Variants in CCDC171 observed in about 807,000 individuals in gnomAD.
CCDC171 encodes coiled-coil domain-containing protein 171.
Under a neutral mutation model 168.2 loss-of-function variants are expected in CCDC171, and 177 were observed. The ratio of observed to expected loss-of-function variants is 1.05; its 90% confidence interval spans 0.93 to 1.19. The LOEUF (loss-of-function observed/expected upper bound fraction) is 1.19, where lower values mean the gene tolerates loss of function less well. CCDC171 is among the 50% of genes most tolerant of loss of function. CCDC171 has a pLI of 0.00. For synonymous variants in CCDC171, 687 were observed against 540.8 expected, an observed-to-expected ratio of 1.27 and a Z score of -3.75; for missense variants, 1,991 against 1,539.0, an observed-to-expected ratio of 1.29 and a Z score of -4.91.
rs144145303 is a variant in CCDC171 at position 15,696,071 on chromosome 9, C to T, written c.1318+734C>T. On this transcript the variant is annotated intron_variant, in intron 11 of 25. Transcript: ENST00000380701. ...CAGTTTTCTTTTGCCCTGCTTTCAG[C>T]CCTGAATTATTTGGTGGTCTTCTAA... Among the ~76,000 whole-genome samples, 388 of 152,266 alleles carry T rather than the reference C, an allele frequency of 2.5e-3. 1 individual carries two copies. The highest frequency in any genetic ancestry group is 8.2e-3 in the African/African-American group (340 of 41,556).
chr9:15,961,591 G>C (rs1022327558), intron 25 of CCDC171, among the ~76,000 whole-genome samples: 1 of 152,056 alleles, frequency 6.6e-6, no homozygotes, highest in East Asian at 1.9e-4. Context: ...AGTGTTCTTT[G>C]CTTGATCAAA....
intron 21 of CCDC171, among the ~76,000 whole-genome samples, chr9:15,791,112 A>T (rs1295280986): frequency 6.6e-6 from 1 of 152,110 alleles, no homozygotes; most frequent in East Asian, 1.9e-4. Flanking sequence ...ACTTTGAAGT[A>T]GTTTTTTCCA....
chr9:16,061,678 A>C (rs964140352), downstream of CCDC171: 7 of 152,246 alleles, frequency 4.6e-5, no homozygotes, highest in Non-Finnish European at 5.9e-5. Context: ...TACTGTGTGC[A>C]AAGAACTATG....
intron 25 of CCDC171, among the ~76,000 whole-genome samples, chr9:15,947,345 G>C (rs1828527761): frequency 6.6e-6 from 1 of 151,870 alleles, no homozygotes. Flanking sequence ...CCATTAAACA[G>C]TAATTTCCCA....
At chr9:15,804,310 G>A (rs187500750) in intron 21 of CCDC171, among the ~76,000 whole-genome samples, 31 of 152,192 alleles carry the variant, frequency 2.0e-4, no homozygotes, top group African/African-American at 6.7e-4. Context: ...TCTTCTGTTG[G>A]TTTTCAAGAG....
chr9:16,003,417 G>T (rs995721224), intron 3 of CCDC171, among the ~76,000 whole-genome samples: 1 of 152,110 alleles, frequency 6.6e-6, no homozygotes, highest in Admixed American at 6.6e-5. Context: ...ATGGAAATTT[G>T]CACTAAATTG....
rs573525397 is a variant in CCDC171, at chr9:15,999,365, A to G, written n.369-21224A>G. On this transcript the variant is annotated intron_variant and non_coding_transcript_variant, in intron 3 of 9. Coordinates refer to the CCDC171 transcript ENST00000486641. The stretch of plus-strand genomic sequence containing the variant: ...AGGAAGGAAGGAAGGGTGAGCAAGC[A>G]GGGAGGGAGGGAGGAAGGAAAGAAG... 2.1e-5 allele frequency among the ~76,000 whole-genome samples: 3 copies of G among 141,302 alleles called. No homozygotes were observed. The East Asian group carries it at 7.2e-4, about 34-fold the overall frequency. 92.7% of individuals were successfully genotyped at this position (141,302 alleles called of 152,430 possible).
intron 7 of CCDC171, among the ~76,000 whole-genome samples, chr9:15,643,360 C>T (rs1486149758): frequency 6.6e-6 from 1 of 152,130 alleles, no homozygotes; most frequent in Non-Finnish European, 1.5e-5. Flanking sequence ...GGATAATGCT[C>T]ATTCTGGTGT....
At chr9:15,896,973 A>G (rs754832520) in intron 24 of CCDC171, among the ~76,000 whole-genome samples, 41 of 152,164 alleles carry the variant, frequency 2.7e-4, no homozygotes, top group Admixed American at 9.8e-4. Flanking sequence ...CTGTCAGATA[A>G]TTTTCCGGGC....
intron 11 of CCDC171, among the ~76,000 whole-genome samples, chr9:15,697,892 A>G (rs1053866727): frequency 1.1e-4 from 17 of 152,166 alleles, no homozygotes; most frequent in Non-Finnish European, 2.2e-4. Context: ...ATACTTTCAT[A>G]CACATTTATG....
intron 21 of CCDC171, among the ~76,000 whole-genome samples, chr9:15,819,809 G>A (rs2136079601): frequency 8.6e-6 from 1 of 116,840 alleles, no homozygotes; most frequent in East Asian, 2.1e-4. Flanking sequence ...AGGATATCCA[G>A]GAATTGAACT....
chr9:15,962,328 C>A (rs1830424598), intron 25 of CCDC171, among the ~76,000 whole-genome samples: 1 of 152,228 alleles, frequency 6.6e-6, no homozygotes, highest in East Asian at 1.9e-4. Context: ...GTAGCTATAG[C>A]CTACTTAACT....
At chr9:15,671,653 C>T (rs2049120016) in intron 9 of CCDC171, among the ~76,000 whole-genome samples, 1 of 151,494 alleles carries the variant, frequency 6.6e-6, no homozygotes, top group South Asian at 2.1e-4. Context: ...ATGATGGTTT[C>T]CAGCTTCATC....
chr9:15,814,300 C>T (rs2059475108), intron 21 of CCDC171, among the ~76,000 whole-genome samples: 1 of 152,106 alleles, frequency 6.6e-6, no homozygotes, highest in Non-Finnish European at 1.5e-5. Flanking sequence ...TGACATGCTT[C>T]TTTGACTTGG....
At position 15,644,793 on chromosome 9, in the gene CCDC171, C is replaced by T. The variant is rs1364664303; in HGVS notation, c.823-12334C>T. On this transcript the variant is annotated intron_variant, in intron 7 of 25. Transcript: ENST00000380701. ...CCGCAGCCCAAGGAGGCCTGCCTGC[C>T]TCTGTAGACTCCACCTCTGGGGGCA... Among the ~76,000 whole-genome samples the T allele has an allele frequency of 2.0e-5, 3 of 152,228 alleles. No homozygotes were observed. In the East Asian group the frequency reaches 5.8e-4, roughly 29 times the overall value.
intron 12 of CCDC171, among the ~76,000 whole-genome samples, chr9:15,723,289 G>C (rs2053604147): frequency 6.6e-6 from 1 of 152,176 alleles, no homozygotes; most frequent in Non-Finnish European, 1.5e-5. Context: ...AGAAAGAACA[G>C]TCTTCTGCTC....
chr9:15,821,918 A>T (rs572814325), intron 21 of CCDC171, among the ~76,000 whole-genome samples: 1 of 149,998 alleles, frequency 6.7e-6, no homozygotes, highest in African/African-American at 2.5e-5. Context: ...GCATCACGCT[A>T]CCTGACTTCA....
At position 15,817,568 on chromosome 9, in the gene CCDC171, G is replaced by A. The variant is rs200162960; in HGVS notation, c.3268-29134G>A. Among the ~76,000 whole-genome samples the A allele has an allele frequency of 3.8e-4, 45 of 118,586 alleles. 9 individuals carry two copies. Among genetic ancestry groups the A allele is most frequent in the Middle Eastern group, 9.0e-3 (2 of 222 alleles). 77.8% of individuals were successfully genotyped at this position (118,586 alleles called of 152,430 possible). A position where few individuals can be genotyped will look rare whatever the true frequency, so the allele number is the denominator to read the frequency against. Reference sequence around the variant, plus strand: ...TTATATCCAGCACCTGGCTTGGAGGGTCCTACGCCCACGGAGCCTCGCTCA... The same window carrying A: ...TTATATCCAGCACCTGGCTTGGAGGATCCTACGCCCACGGAGCCTCGCTCA... On this transcript the variant is annotated intron_variant, in intron 21 of 25. Transcript: ENST00000380701.
At chr9:15,768,203 A>AAC (rs775070568) in intron 18 of CCDC171, among the ~76,000 whole-genome samples, 3 of 151,668 alleles carry the variant, frequency 2.0e-5, no homozygotes, top group African/African-American at 7.3e-5. Context: ...AAAAAAAAAA[A>AAC]ACCCTAAAAT....
Sources: gnomAD v4.1 joint callset for allele counts (sites outside exome capture counted in the v4.1 genomes callset) on GRCh38, gnomAD v4.1.1 for gene constraint, MANE v1.5 for transcripts, NCBI Gene and HGNC (gene_info 2026-07-23, HGNC 2026-07-21) for gene names.